HYCC1: variants seen among roughly 807,000 people sequenced by gnomAD.
The protein encoded by HYCC1 is hyccin.
chr7:22,959,524 G>C, the HYCC1 span, among the ~76,000 whole-genome samples: 1 of 152,096 alleles, frequency 6.6e-6, no homozygotes, highest in Non-Finnish European at 1.5e-5. Context: ...TACCTTCTGA[G>C]GAAGGTGATA....
the HYCC1 span, among the ~76,000 whole-genome samples, chr7:22,990,059 T>C: frequency 1.3e-5 from 2 of 152,190 alleles, no homozygotes; most frequent in Non-Finnish European, 2.9e-5. Flanking sequence ...CAGCCTTGAT[T>C]TTCAACCCAG....
chr7:22,925,933 A>C, the HYCC1 span, among the ~76,000 whole-genome samples: 1 of 152,172 alleles, frequency 6.6e-6, no homozygotes. Context: ...AGCCAGAGAG[A>C]AAGGTCGGGT....
At chr7:22,897,065 G>A in the HYCC1 span, among the ~76,000 whole-genome samples, 1 of 152,216 alleles carries the variant, frequency 6.6e-6, no homozygotes, top group African/African-American at 2.4e-5. Context: ...GGAGCCACCA[G>A]GAAAAGCTCT....
the HYCC1 span, chr7:22,938,687 T>C: frequency 6.6e-6 from 1 of 152,170 alleles, no homozygotes; most frequent in African/African-American, 2.4e-5. Flanking sequence ...TCATTTAAAA[T>C]ACAAGATCTC....
the HYCC1 span, chr7:22,941,646 A>G: frequency 2.0e-5 from 3 of 152,160 alleles, no homozygotes; most frequent in African/African-American, 4.8e-5. Flanking sequence ...AAAAAAACAC[A>G]AAAACATCTC....
the HYCC1 span, among the ~76,000 whole-genome samples, chr7:22,906,525 C>T: frequency 1.6e-4 from 24 of 151,174 alleles, 1 homozygote; most frequent in Admixed American, 1.1e-3. Flanking sequence ...TTGCAGTGAG[C>T]CAAGATCGCG....
the HYCC1 span, among the ~76,000 whole-genome samples, chr7:22,927,026 A>T: frequency 1.3e-5 from 2 of 152,196 alleles, no homozygotes; most frequent in Non-Finnish European, 2.9e-5. Flanking sequence ...GGATTAAGAA[A>T]CTCACTCAAA....
the HYCC1 span, among the ~76,000 whole-genome samples, chr7:23,012,882 T>G: frequency 6.6e-6 from 1 of 152,190 alleles, no homozygotes. Flanking sequence ...CAAAAACTAC[T>G]GTGTGATCCA....
At chr7:22,980,330 A>T in the HYCC1 span, among the ~76,000 whole-genome samples, 8 of 150,388 alleles carry the variant, frequency 5.3e-5, no homozygotes, top group African/African-American at 2.0e-4. Flanking sequence ...TTACAGTATT[A>T]TTAAGAGAGA....
chr7:22,926,916 TG>T, the HYCC1 span, among the ~76,000 whole-genome samples: 1 of 151,520 alleles, frequency 6.6e-6, no homozygotes, highest in South Asian at 2.1e-4. Context: ...ACTCCAAAAT[TG>T]ACCACATAGT....
At chr7:22,959,550 T>C in the HYCC1 span, among the ~76,000 whole-genome samples, 7 of 152,114 alleles carry the variant, frequency 4.6e-5, no homozygotes, top group African/African-American at 1.2e-4. Flanking sequence ...CTTCTTAGAC[T>C]GGTTGTTGAC....
the HYCC1 span, among the ~76,000 whole-genome samples, chr7:23,004,968 G>A: frequency 1.3e-5 from 2 of 152,058 alleles, no homozygotes; most frequent in Non-Finnish European, 2.9e-5. Context: ...ACCATGCCCG[G>A]CTAATTTTTT....
chr7:22,999,625 A>G, the HYCC1 span, among the ~76,000 whole-genome samples: 1 of 152,196 alleles, frequency 6.6e-6, no homozygotes, highest in Non-Finnish European at 1.5e-5. Context: ...GTAAGAGCAA[A>G]GAAACAGAAG....
chr7:22,928,389 T>C, the HYCC1 span, among the ~76,000 whole-genome samples: 2 of 152,174 alleles, frequency 1.3e-5, no homozygotes, highest in African/African-American at 4.8e-5. Context: ...AAAGAGGAAG[T>C]CAAATTTTCC....
At chr7:22,961,317 T>G in the HYCC1 span, 14 of 1,543,848 alleles carry the variant, frequency 9.1e-6, no homozygotes, top group African/African-American at 1.4e-5. Context: ...CCATTCTCCA[T>G]TATAACTATA....
chr7:22,945,954 A>G, the HYCC1 span: 260 of 1,613,784 alleles, frequency 1.6e-4, no homozygotes, highest in East Asian at 5.6e-3. Context: ...TGATCTTTGC[A>G]AGATTCCCCT....
chr7:22,953,937 A>G, the HYCC1 span, among the ~76,000 whole-genome samples: 1 of 151,760 alleles, frequency 6.6e-6, no homozygotes, highest in Non-Finnish European at 1.5e-5. Context: ...TAATAAGTAT[A>G]GACAACCTTT....
the HYCC1 span, among the ~76,000 whole-genome samples, chr7:22,975,325 A>T: frequency 6.6e-6 from 1 of 152,220 alleles, no homozygotes; most frequent in South Asian, 2.1e-4. Context: ...AACTAGAGAT[A>T]ATCATTGTTA....
chr7:22,976,779 A>G, the HYCC1 span: 1 of 1,613,286 alleles, frequency 6.2e-7, no homozygotes. Flanking sequence ...GTGCACTCTC[A>G]GTCAGAGCCA....
Sources: gnomAD v4.1 joint callset for allele counts (sites outside exome capture counted in the v4.1 genomes callset) on GRCh38, gnomAD v4.1.1 for gene constraint, MANE v1.5 for transcripts, NCBI Gene and HGNC (gene_info 2026-07-23, HGNC 2026-07-21) for gene names.